NRG3: variants seen among roughly 807,000 people sequenced by gnomAD.
NRG3 encodes pro-neuregulin-3, membrane-bound isoform.
NRG3 carries 31 observed loss-of-function variants against 66.9 expected under a neutral mutation model. The ratio of observed to expected loss-of-function variants is 0.46; its 90% CI spans 0.35 to 0.63. The LOEUF (loss-of-function observed/expected upper bound fraction) is 0.63, where lower values mean the gene tolerates loss of function less well. Among genes scored for constraint, NRG3 ranks in the 20% least tolerant of loss-of-function variants. NRG3 has a pLI of 0.00. For missense variants in NRG3, 910 were observed against 878.9 expected, an observed-to-expected ratio of 1.04 and a Z score of -0.45; for synonymous variants, 393 against 359.4, an observed-to-expected ratio of 1.09 and a Z score of -1.06.
At chr10:82,659,269 A>T (rs1053775961) in intron 2 of NRG3, among the ~76,000 whole-genome samples, 1 of 152,262 alleles carries the variant, frequency 6.6e-6, no homozygotes, top group East Asian at 1.9e-4. Flanking sequence ...AAAAGCCTGG[A>T]GAAATACTTG....
At chr10:81,950,103 C>A (rs2133180102) in intron 1 of NRG3, among the ~76,000 whole-genome samples, 1 of 152,258 alleles carries the variant, frequency 6.6e-6, no homozygotes, top group Non-Finnish European at 1.5e-5. Context: ...TTAGAAGTTT[C>A]TGGGAGCCAT....
At chr10:82,724,778 T>A (rs2057501759) in intron 2 of NRG3, among the ~76,000 whole-genome samples, 2 of 152,300 alleles carry the variant, frequency 1.3e-5, no homozygotes, top group South Asian at 4.1e-4. Flanking sequence ...GCATGCTGAG[T>A]GGTTTTATCA....
At chr10:81,894,141 G>GACCA (rs1214397961) in intron 1 of NRG3, among the ~76,000 whole-genome samples, 1 of 152,100 alleles carries the variant, frequency 6.6e-6, no homozygotes, top group Non-Finnish European at 1.5e-5. Flanking sequence ...AGGAGTTTAA[G>GACCA]ACCAACCTGA....
intron 2 of NRG3, among the ~76,000 whole-genome samples, chr10:82,601,915 T>A (rs573132435): frequency 2.0e-5 from 3 of 147,136 alleles, no homozygotes; most frequent in African/African-American, 5.0e-5. Context: ...TATATATATA[T>A]AAAACTATAT....
intron 2 of NRG3, among the ~76,000 whole-genome samples, chr10:82,379,923 A>AG (rs1411862372): frequency 1.3e-5 from 2 of 151,450 alleles, no homozygotes; most frequent in African/African-American, 4.8e-5. Flanking sequence ...AAAAAAAAAA[A>AG]AAGAAAAAAA....
chr10:82,615,105 A>C (rs1421853983), intron 2 of NRG3, among the ~76,000 whole-genome samples: 4 of 152,198 alleles, frequency 2.6e-5, no homozygotes, highest in African/African-American at 9.6e-5. Context: ...GATATTAAAT[A>C]TTCTAGTACC....
chr10:82,081,663 C>G (rs1395292001), intron 1 of NRG3, among the ~76,000 whole-genome samples: 1 of 152,140 alleles, frequency 6.6e-6, no homozygotes, highest in African/African-American at 2.4e-5. Context: ...CTAAGAATGT[C>G]TCTAGCACTT....
intron 1 of NRG3, among the ~76,000 whole-genome samples, chr10:81,967,064 TA>T (rs1171747381): frequency 1.3e-5 from 2 of 151,908 alleles, no homozygotes; most frequent in Non-Finnish European, 2.9e-5. Context: ...CTTAAGGTTT[TA>T]TTTTTTACTA....
At chr10:82,646,786 G>A (rs187499667) in intron 2 of NRG3, among the ~76,000 whole-genome samples, 2 of 152,094 alleles carry the variant, frequency 1.3e-5, no homozygotes, top group Admixed American at 1.3e-4. Context: ...CATGTGATTG[G>A]GCCGTCAGGG....
chr10:82,692,855 G>A (rs571380459), intron 2 of NRG3, among the ~76,000 whole-genome samples: 4 of 96,672 alleles, frequency 4.1e-5, no homozygotes, highest in Non-Finnish European at 1.1e-4. Flanking sequence ...GTTTAGAACT[G>A]AGGGGAAAAA....
At chr10:82,027,321 C>T (rs757366295) in intron 1 of NRG3, among the ~76,000 whole-genome samples, 1 of 152,046 alleles carries the variant, frequency 6.6e-6, no homozygotes, top group Non-Finnish European at 1.5e-5. Context: ...ATTTCCCCAG[C>T]CTTTTGGTGG....
At chr10:81,931,611 A>G (rs1225091853) in intron 1 of NRG3, among the ~76,000 whole-genome samples, 3 of 152,058 alleles carry the variant, frequency 2.0e-5, no homozygotes, top group Non-Finnish European at 4.4e-5. Context: ...ATACCTTGAG[A>G]TTTATCACCT....
chr10:82,165,702 T>C lies in NRG3; in HGVS notation c.824-193037T>C, dbSNP rs761565640. On this transcript the variant is annotated intron_variant, in intron 1 of 8. Coordinates refer to ENST00000372141, the MANE Select transcript of NRG3 (RefSeq NM_001010848.4). Reference sequence around the variant, plus strand: ...TAATTGCATTTGTGAGTTTCTTTTTTTTGAGAGGGGGCGTGACAGAGGAAT... The same window carrying C: ...TAATTGCATTTGTGAGTTTCTTTTTCTTGAGAGGGGGCGTGACAGAGGAAT... Among the ~76,000 whole-genome samples, 102 of 151,996 alleles carry C rather than the reference T, an allele frequency of 6.7e-4. No individual in the cohort carries two copies. In the Middle Eastern group the frequency reaches 0.02, roughly 30 times the overall value.
intron 2 of NRG3, among the ~76,000 whole-genome samples, chr10:82,491,293 A>AATATATATATATACATAT (rs1554942717): frequency 3.5e-4 from 29 of 82,144 alleles, no homozygotes; most frequent in Non-Finnish European, 6.1e-4. Context: ...GTTCCCATAA[A>AATATATATATATACATAT]ATATATATAT....
intron 1 of NRG3, among the ~76,000 whole-genome samples, chr10:82,088,692 C>T (rs1485145596): frequency 2.0e-5 from 3 of 152,054 alleles, no homozygotes; most frequent in Non-Finnish European, 4.4e-5. Flanking sequence ...AAAACTTTAT[C>T]TCCCTCAGCT....
At position 82,879,733 on chromosome 10, in the gene NRG3, C is replaced by T. The variant is rs565288918; in HGVS notation, c.1054+14296C>T. Among the ~76,000 whole-genome samples the T allele has an allele frequency of 5.9e-5, 9 of 152,118 alleles. No individual in the cohort carries two copies. The South Asian group carries it at 1.9e-3, about 32-fold the overall frequency. On this transcript the variant is annotated intron_variant, in intron 4 of 8. Transcript: ENST00000372141. ...CCTCATGATCCGCCCTCCTCGGCCT[C>T]CCAAAGTGCTGGGATTACAGGTATA...
intron 2 of NRG3, among the ~76,000 whole-genome samples, chr10:82,517,275 AT>A: frequency 6.6e-6 from 1 of 152,140 alleles, no homozygotes; most frequent in East Asian, 1.9e-4. Context: ...TTGTATTTGC[AT>A]TTTTTCACTG....
chr10:82,971,070 A>G (rs1851678823), intron 6 of NRG3, among the ~76,000 whole-genome samples: 1 of 152,108 alleles, frequency 6.6e-6, no homozygotes, highest in Non-Finnish European at 1.5e-5. Flanking sequence ...TGAGAGAGAA[A>G]AAAGAGAAAG....
chr10:82,930,089 A>T (rs2132149560), intron 4 of NRG3, among the ~76,000 whole-genome samples: 1 of 152,248 alleles, frequency 6.6e-6, no homozygotes, highest in South Asian at 2.1e-4. Flanking sequence ...GGGTTCATCC[A>T]GGAGTGTCAC....
Sources: gnomAD v4.1 joint callset for allele counts (sites outside exome capture counted in the v4.1 genomes callset) on GRCh38, gnomAD v4.1.1 for gene constraint, MANE v1.5 for transcripts, NCBI Gene and HGNC (gene_info 2026-07-23, HGNC 2026-07-21) for gene names.